Variants in GRID1 observed in about 807,000 individuals in gnomAD.
GRID1 encodes the protein glutamate receptor ionotropic, delta-1.
Under a neutral mutation model 98.0 loss-of-function variants are expected in GRID1, and 28 were observed. The ratio of observed to expected loss-of-function variants is 0.29; its 90% confidence interval spans 0.21 to 0.39. The LOEUF is 0.39. Among genes scored for constraint, GRID1 ranks in the 10% least tolerant of loss-of-function variants. The probability of loss-of-function intolerance (pLI) is 1.00; values close to 1 mark genes in which losing one functional copy is unlikely to be tolerated. For synonymous variants in GRID1, 553 were observed against 538.5 expected (o/e 1.03, Z -0.37); for missense variants, 1,111 against 1,340.5 (o/e 0.83, Z 2.67).
intron 8 of GRID1, among the ~76,000 whole-genome samples, chr10:85,773,893 T>C (rs1842300457): frequency 6.6e-6 from 1 of 152,136 alleles, no homozygotes; most frequent in Non-Finnish European, 1.5e-5. Context: ...AAAATGGCCA[T>C]ACTGCCCAAG....
chr10:85,760,065 T>G (rs1842133085), intron 8 of GRID1, among the ~76,000 whole-genome samples: 1 of 152,206 alleles, frequency 6.6e-6, no homozygotes, highest in Non-Finnish European at 1.5e-5. Context: ...ACAGTTGTGT[T>G]ATTATGAATA....
intron 12 of GRID1, among the ~76,000 whole-genome samples, chr10:85,716,526 C>T (rs947006472): frequency 1.3e-5 from 2 of 150,900 alleles, no homozygotes; most frequent in Admixed American, 6.6e-5. Flanking sequence ...CAAACCTGCA[C>T]GTTGTGCACA....
At chr10:85,894,446 G>A (rs775199091) in intron 5 of GRID1, among the ~76,000 whole-genome samples, 25 of 152,134 alleles carry the variant, frequency 1.6e-4, no homozygotes, top group Admixed American at 1.1e-3. Context: ...GTAATCTACA[G>A]TGACAGAAAG....
chr10:86,236,962 C>T (rs775384413), intron 2 of GRID1, among the ~76,000 whole-genome samples: 5 of 152,200 alleles, frequency 3.3e-5, no homozygotes, highest in Non-Finnish European at 4.4e-5. Context: ...GGGAGGTAGA[C>T]GTGGTGAGAT....
intron 2 of GRID1, among the ~76,000 whole-genome samples, chr10:86,333,781 G>A (rs1159389296): frequency 6.6e-6 from 1 of 152,200 alleles, no homozygotes; most frequent in Non-Finnish European, 1.5e-5. Context: ...TTAAGTGGAA[G>A]TGGATCATCA....
intron 4 of GRID1, among the ~76,000 whole-genome samples, chr10:86,008,895 C>G (rs1842893709): frequency 6.6e-6 from 1 of 152,264 alleles, no homozygotes; most frequent in South Asian, 2.1e-4. Flanking sequence ...TGCACATGTA[C>G]AGCAGGAAGC....
chr10:85,785,722 C>T (rs1230480936), intron 8 of GRID1, among the ~76,000 whole-genome samples: 1 of 152,192 alleles, frequency 6.6e-6, no homozygotes, highest in South Asian at 2.1e-4. Flanking sequence ...ATGGTTTACA[C>T]CCAACTTTAC....
intron 3 of GRID1, among the ~76,000 whole-genome samples, chr10:86,200,739 G>T (rs1406572529): frequency 6.6e-6 from 1 of 152,008 alleles, no homozygotes; most frequent in Non-Finnish European, 1.5e-5. Context: ...AAAAGAAAAG[G>T]CTCGATTTTA....
chr10:86,092,767 G>A (rs980114994), intron 4 of GRID1, among the ~76,000 whole-genome samples: 16 of 152,048 alleles, frequency 1.1e-4, no homozygotes, highest in Non-Finnish European at 2.1e-4. Context: ...AAATGAGATA[G>A]ACAGCAACAC....
intron 4 of GRID1, among the ~76,000 whole-genome samples, chr10:86,023,831 A>G (rs1843081467): frequency 6.6e-6 from 1 of 152,144 alleles, no homozygotes; most frequent in Non-Finnish European, 1.5e-5. Context: ...CAGATGAATC[A>G]AGTAAGTTCC....
intron 5 of GRID1, among the ~76,000 whole-genome samples, chr10:85,905,566 T>C (rs1012841136): frequency 6.6e-6 from 1 of 152,188 alleles, no homozygotes; most frequent in African/African-American, 2.4e-5. Context: ...TTTTTGTGTA[T>C]ATAACACATA....
In GRID1 at chr10:85,854,398, T is replaced by C. The variant is rs112080932; in HGVS notation, c.1233+98A>G. ...AGACTAGGAGGGAGGATATCTGTGC[T>C]AGTTAACAGTTGCTGGGAGCTCAGG... is the stretch of plus-strand genomic sequence containing the variant. On this transcript the variant is annotated intron_variant, in intron 8 of 15. Coordinates refer to ENST00000327946, the MANE Select transcript of GRID1 (RefSeq NM_017551.3). 7.8e-4 allele frequency: 820 copies of C among 1,049,636 alleles called. 7 individuals carry two copies. In the African/African-American group the frequency reaches 0.011, roughly 14 times the overall value. 65.0% of individuals were successfully genotyped at this position (1,049,636 alleles called of 1,614,324 possible).
rs576014569 is a variant in GRID1, at chr10:86,354,149, G to A, written c.235+9792C>T. On this transcript the variant is annotated intron_variant, in intron 2 of 15. Transcript: ENST00000327946. ...GACTGAGAAGGAAGAGCGCCATGGG[G>A]GACAGACAGCAAGAAGACAGCCTTC... Among the ~76,000 whole-genome samples the A allele has an allele frequency of 1.0e-3, 156 of 152,296 alleles. 2 individuals carry two copies. Among genetic ancestry groups the A allele is most frequent in the African/African-American group, 3.6e-3 (149 of 41,568 alleles).
intron 2 of GRID1, among the ~76,000 whole-genome samples, chr10:86,286,139 T>G (rs1847427834): frequency 6.6e-6 from 1 of 152,068 alleles, no homozygotes; most frequent in African/African-American, 2.4e-5. Flanking sequence ...GGTATAGGTA[T>G]AGGTAGAGAG....
chr10:85,981,466 GA>G (rs1468397939), intron 4 of GRID1, among the ~76,000 whole-genome samples: 2 of 152,190 alleles, frequency 1.3e-5, no homozygotes, highest in African/African-American at 4.8e-5. Flanking sequence ...CTTGGCTTTT[GA>G]TGGGAGCCCA....
intron 2 of GRID1, among the ~76,000 whole-genome samples, chr10:86,239,438 T>C (rs1285684802): frequency 6.6e-6 from 1 of 152,172 alleles, no homozygotes; most frequent in Non-Finnish European, 1.5e-5. Flanking sequence ...AGTTAAGACT[T>C]GGGGGACTGT....
intron 5 of GRID1, among the ~76,000 whole-genome samples, chr10:85,914,342 G>A (rs965237361): frequency 2.0e-5 from 3 of 152,186 alleles, no homozygotes; most frequent in Admixed American, 6.5e-5. Flanking sequence ...AGTAAAACCA[G>A]CATCAGACAT....
chr10:86,010,214 C>A (rs903058765), intron 4 of GRID1, among the ~76,000 whole-genome samples: 2 of 152,212 alleles, frequency 1.3e-5, no homozygotes, highest in Non-Finnish European at 2.9e-5. Context: ...AGAGAATGAG[C>A]AAACATTACA....
At chr10:85,749,113 G>A (rs1010963585) in intron 8 of GRID1, among the ~76,000 whole-genome samples, 8 of 151,996 alleles carry the variant, frequency 5.3e-5, no homozygotes, top group Non-Finnish European at 8.8e-5. Context: ...ATTTTTACTC[G>A]GGCCTCAAGG....
Sources: gnomAD v4.1 joint callset for allele counts (sites outside exome capture counted in the v4.1 genomes callset) on GRCh38, gnomAD v4.1.1 for gene constraint, MANE v1.5 for transcripts, NCBI Gene and HGNC (gene_info 2026-07-23, HGNC 2026-07-21) for gene names.